SHISA6: variants seen among roughly 807,000 people sequenced by gnomAD.
SHISA6 encodes shisa family member 6, also known as protein shisa-6.
A neutral mutation model predicts 47.9 loss-of-function variants in SHISA6; 22 were observed. That is an observed-to-expected ratio of 0.46 (90% confidence interval 0.33 to 0.66). SHISA6 has a LOEUF of 0.66. SHISA6 is among the 30% of genes least tolerant of loss of function. SHISA6 has a pLI of 0.02. For missense variants in SHISA6, 680 were observed against 764.6 expected (o/e 0.89, Z 1.30); for synonymous variants, 388 against 337.8 (o/e 1.15, Z -1.63).
chr17:11,336,135 G>A (rs1389385482), intron 2 of SHISA6, among the ~76,000 whole-genome samples: 1 of 152,112 alleles, frequency 6.6e-6, no homozygotes, highest in Non-Finnish European at 1.5e-5. Context: ...CTTCAACCTG[G>A]GAGGTGGAGG....
At chr17:11,318,591 T>C (rs1187099362) in intron 2 of SHISA6, among the ~76,000 whole-genome samples, 1 of 152,248 alleles carries the variant, frequency 6.6e-6, no homozygotes, top group Non-Finnish European at 1.5e-5. Context: ...GTTGCTCTTA[T>C]CAGAACTGCA....
chr17:11,374,384 CTT>C (rs1912723642), intron 2 of SHISA6, among the ~76,000 whole-genome samples: 1 of 151,808 alleles, frequency 6.6e-6, no homozygotes, highest in Non-Finnish European at 1.5e-5. Context: ...TAGTTTTTGA[CTT>C]GAGTCTTGTT....
intron 2 of SHISA6, among the ~76,000 whole-genome samples, chr17:11,285,917 ACGTCAGTCT>A (rs1463193448): frequency 4.6e-5 from 7 of 151,502 alleles, no homozygotes; most frequent in African/African-American, 1.7e-4. Context: ...GCTCACTGCA[ACGTCAGTCT>A]CGTGGGTTCA....
intron 3 of SHISA6, among the ~76,000 whole-genome samples, chr17:11,458,094 A>G (rs1319078504): frequency 2.0e-5 from 3 of 151,894 alleles, no homozygotes; most frequent in Non-Finnish European, 4.4e-5. Context: ...AAAAAAAAAA[A>G]AAAAAAAATA....
chr17:11,467,282 G>A (rs1435876051), intron 3 of SHISA6, among the ~76,000 whole-genome samples: 1 of 152,084 alleles, frequency 6.6e-6, no homozygotes, highest in Non-Finnish European at 1.5e-5. Flanking sequence ...GCTCACGCTG[G>A]TCCCCATCTG....
intron 3 of SHISA6, among the ~76,000 whole-genome samples, chr17:11,388,316 C>G (rs1405134967): frequency 1.3e-5 from 2 of 152,102 alleles, no homozygotes; most frequent in African/African-American, 4.8e-5. Context: ...GGAATGGACT[C>G]TGTGAAGCCA....
At chr17:11,383,432 T>C (rs1462236019) in intron 3 of SHISA6, among the ~76,000 whole-genome samples, 2 of 152,132 alleles carry the variant, frequency 1.3e-5, no homozygotes, top group Non-Finnish European at 2.9e-5. Flanking sequence ...TATTCTTTTG[T>C]TAGTGGGATT....
At chr17:11,405,539 C>T (rs151184859) in intron 3 of SHISA6, among the ~76,000 whole-genome samples, 2,634 of 152,270 alleles carry the variant, frequency 0.017, 71 homozygotes, top group Admixed American at 0.081. Flanking sequence ...CGCAGTGGCT[C>T]ACACCTGTGA....
At chr17:11,422,857 G>A (rs1330990362) in intron 3 of SHISA6, among the ~76,000 whole-genome samples, 3 of 151,902 alleles carry the variant, frequency 2.0e-5, no homozygotes, top group African/African-American at 7.3e-5. Context: ...ATGGCCAAGG[G>A]AATCCAGGAA....
intron 2 of SHISA6, among the ~76,000 whole-genome samples, chr17:11,338,425 G>A (rs191992977): frequency 2.1e-4 from 32 of 152,068 alleles, no homozygotes; most frequent in African/African-American, 7.2e-4. Flanking sequence ...TTTTTGAGAT[G>A]GAGTCTCGCT....
intron 3 of SHISA6, among the ~76,000 whole-genome samples, chr17:11,470,286 C>T (rs996826577): frequency 1.3e-5 from 2 of 152,252 alleles, no homozygotes; most frequent in African/African-American, 2.4e-5. Flanking sequence ...GTTCACACAG[C>T]TGGACCAACT....
At chr17:11,354,052 A>C (rs73975305) in intron 2 of SHISA6, among the ~76,000 whole-genome samples, 4,387 of 152,162 alleles carry the variant, frequency 0.029, 198 homozygotes, top group African/African-American at 0.09. Context: ...TCAGATGTTT[A>C]TCAGTATCCC....
intron 3 of SHISA6, among the ~76,000 whole-genome samples, chr17:11,394,983 AT>A (rs904272787): frequency 7.9e-5 from 8 of 100,858 alleles, no homozygotes; most frequent in Non-Finnish European, 1.1e-4. Flanking sequence ...GTGGCCCTTT[AT>A]TTTTTTTTCT....
At chr17:11,411,470 C>T (rs1390396070) in intron 3 of SHISA6, among the ~76,000 whole-genome samples, 2 of 152,046 alleles carry the variant, frequency 1.3e-5, no homozygotes, top group African/African-American at 4.8e-5. Flanking sequence ...GATCTCGGCT[C>T]ACTGCAACCT....
chr17:11,242,660 C>T (rs1907413355), intron 1 of SHISA6, among the ~76,000 whole-genome samples: 4 of 152,142 alleles, frequency 2.6e-5, no homozygotes, highest in Admixed American at 2.6e-4. Flanking sequence ...TTTATCTTTC[C>T]TGCTGAGACT....
chr17:11,322,849 A>G (rs1910756733), intron 2 of SHISA6, among the ~76,000 whole-genome samples: 2 of 152,286 alleles, frequency 1.3e-5, no homozygotes, highest in South Asian at 4.1e-4. Flanking sequence ...TAAAGGCTAC[A>G]TTGGGTGGGG....
chr17:11,488,419 G>C (rs1464906027), intron 3 of SHISA6, among the ~76,000 whole-genome samples: 1 of 152,092 alleles, frequency 6.6e-6, no homozygotes, highest in African/African-American at 2.4e-5. Flanking sequence ...CAGGCTTTTT[G>C]CTGTTTCACT....
chr17:11,526,119 C>CCCT (rs60947582), intron 3 of SHISA6, among the ~76,000 whole-genome samples: 3 of 151,842 alleles, frequency 2.0e-5, no homozygotes, highest in East Asian at 3.9e-4. Context: ...GACCCCCCCC[C>CCCT]GCTCTCTGCT....
chr17:11,353,470 A>AT (rs1911969137), intron 2 of SHISA6, among the ~76,000 whole-genome samples: 1 of 147,176 alleles, frequency 6.8e-6, no homozygotes, highest in Admixed American at 6.8e-5. Context: ...AAAAAAAAAA[A>AT]GGGTGAGGCG....
Sources: gnomAD v4.1 joint callset for allele counts (sites outside exome capture counted in the v4.1 genomes callset) on GRCh38, gnomAD v4.1.1 for gene constraint, MANE v1.5 for transcripts, NCBI Gene and HGNC (gene_info 2026-07-23, HGNC 2026-07-21) for gene names.